The following ERCC4 variants were observed in gnomAD, a reference collection of about 807,000 sequenced individuals.
ERCC4 encodes the protein ERCC excision repair 4, endonuclease catalytic subunit, also known as DNA repair endonuclease XPF.
Under a neutral mutation model 76.9 loss-of-function variants are expected in ERCC4, and 65 were observed. The observed-to-expected ratio is 0.84, with a 90% CI of 0.69 to 1.04. ERCC4 has a LOEUF of 1.04. Among genes scored for constraint, ERCC4 ranks in the 50% least tolerant of loss-of-function variants. The pLI is 0.00. For synonymous variants in ERCC4, 463 were observed against 410.1 expected (o/e 1.13, Z -1.56); for missense variants, 1,214 against 1,128.2 (o/e 1.08, Z -1.09).
chr16:13,926,411 G>A, intron 2 of ERCC4, 150 bp from the exon 3 acceptor site: 1 of 718,862 alleles, frequency 1.4e-6, no homozygotes. Context: ...ATTCCTTGAG[G>A]ACAGGGATTT....
At position 13,922,064 on chromosome 16, in the gene ERCC4, G is replaced by C. The variant is rs55761944; in HGVS notation, c.241G>C (p.Val81Leu). Reference protein sequence around the residue: ...YFINQLKIEGVEHLPRRVTNE... With the variant: ...YFINQLKIEGLEHLPRRVTNE... ...TATCAATCAGCTGAAGATAGAAGGA[G>C]TTGAACACCTCCCTCGCCGTGTAAC... The change falls in exon 2 of 11, where the codon GTT (valine) becomes CTT (leucine). Residue 81 changes from valine to leucine, a missense_variant. Coordinates refer to ENST00000311895, the MANE Select transcript of ERCC4 (RefSeq NM_005236.3). 6.2e-7 allele frequency: 1 copy of C among 1,613,870 alleles called. No homozygotes were observed. Among genetic ancestry groups the C allele is most frequent in the South Asian group, 1.1e-5 (1 of 91,076 alleles).
chr16:13,920,181 C>G lies in ERCC4; in HGVS notation c.16C>G (p.Pro6Ala), dbSNP rs61760160. MESGQ[P>A]ARRIAMAPLL... ...AAGAGCTTCCATGGAGTCAGGGCAG[C>G]CGGCTCGACGGATTGCCATGGCGCC... Residue 6 changes from proline to alanine, a missense_variant, in exon 1 of 11, where the codon CCG becomes GCG. Coordinates refer to ENST00000311895, the MANE Select transcript of ERCC4 (RefSeq NM_005236.3). The G allele has an allele frequency of 3.1e-6, 5 of 1,605,836 alleles. No individual in the cohort carries two copies. Among genetic ancestry groups the G allele is most frequent in the East Asian group, 2.2e-5 (1 of 44,880 alleles).
At chr16:13,924,596 G>T (rs2032039435) in intron 2 of ERCC4, among the ~76,000 whole-genome samples, 1 of 152,108 alleles carries the variant, frequency 6.6e-6, no homozygotes. Flanking sequence ...ACTGCTTCTG[G>T]GTTTGAGTTA....
At position 13,948,186 on chromosome 16, in the gene ERCC4, C is replaced by A; in HGVS notation, c.2590C>A (p.Arg864Ser). The change falls in exon 11 of 11, where the codon CGC becomes AGC. Residue 864 changes from arginine to serine, a missense_variant. Coordinates refer to ENST00000311895, the MANE Select transcript of ERCC4 (RefSeq NM_005236.3). ...KMPGVNAKNC[R>S]SLMHHVKNIA... The stretch of plus-strand genomic sequence containing the variant: ...GCCAGGGGTGAATGCCAAAAACTGC[C>A]GCTCCTTGATGCACCACGTTAAGAA... 6.2e-7 allele frequency: 1 copy of A among 1,614,108 alleles called. No homozygotes were observed. The highest frequency in any genetic ancestry group is 8.5e-7 in the Non-Finnish European group (1 of 1,180,018).
chr16:13,927,615 C>T, intron 3 of ERCC4: 1 of 169,864 alleles, frequency 5.9e-6, no homozygotes, highest in East Asian at 1.7e-4. Flanking sequence ...TTGATTATAC[C>T]TTGTTTTAGG....
intron 9 of ERCC4, 58 bp from the exon 10 acceptor site, chr16:13,944,665 A>G: frequency 8.6e-7 from 1 of 1,159,764 alleles, no homozygotes; most frequent in Middle Eastern, 1.9e-4. Context: ...TTTACACACA[A>G]TAAAATCTAG....
intron 4 of ERCC4, among the ~76,000 whole-genome samples, chr16:13,930,475 T>C (rs1373164867): frequency 6.6e-6 from 1 of 152,210 alleles, no homozygotes; most frequent in Non-Finnish European, 1.5e-5. Context: ...AAGACATTCT[T>C]CTATATTTGA....
intron 9 of ERCC4, among the ~76,000 whole-genome samples, chr16:13,940,818 G>A (rs1383592196): frequency 6.6e-6 from 1 of 152,204 alleles, no homozygotes; most frequent in African/African-American, 2.4e-5. Context: ...CTGACCAAGA[G>A]CCAGTGTTGA....
chr16:13,944,891 T>G, intron 10 of ERCC4, 56 bp downstream of exon 10: 1 of 1,140,170 alleles, frequency 8.8e-7, no homozygotes, highest in Non-Finnish European at 1.3e-6. Flanking sequence ...GCTGTGAAGT[T>G]CCAGAGTTAC....
chr16:13,935,804 T>C, intron 8 of ERCC4, 61 bp downstream of exon 8: 2 of 1,207,192 alleles, frequency 1.7e-6, no homozygotes, highest in Non-Finnish European at 2.5e-6. Context: ...ACCCAGAAAC[T>C]ATACCAGTTG....
intron 10 of ERCC4, among the ~76,000 whole-genome samples, chr16:13,946,982 A>G (rs1244112234): frequency 9.9e-5 from 15 of 152,200 alleles, no homozygotes; most frequent in African/African-American, 2.9e-4. Context: ...GGATGGTCTC[A>G]AACTCCTTTC....
chr16:13,934,921 T>G (rs2032252999), intron 7 of ERCC4: 2 of 496,782 alleles, frequency 4.0e-6, no homozygotes, highest in Non-Finnish European at 7.2e-6. Context: ...TTTCATAAGA[T>G]TAAATAGTCT....
chr16:13,948,354 A>G lies in ERCC4; in HGVS notation c.*7A>G, dbSNP rs927638101. On this transcript the variant is annotated 3_prime_UTR_variant, in exon 11 of 11. Coordinates refer to ENST00000311895, the MANE Select transcript of ERCC4 (RefSeq NM_005236.3). ...AGGAAAAGGGAAAAAGTGAACAGTGATGGCTGTTTTCTTATCCCATGCCTG... is the reference window on the plus strand; with the variant it reads ...AGGAAAAGGGAAAAAGTGAACAGTGGTGGCTGTTTTCTTATCCCATGCCTG... 1.1e-5 allele frequency: 17 copies of G among 1,607,500 alleles called. No homozygotes were observed. Among genetic ancestry groups the G allele is most frequent in the African/African-American group, 4.0e-5 (3 of 74,940 alleles).
At position 13,948,479 on chromosome 16, in the gene ERCC4, C is replaced by A; in HGVS notation, c.*132C>A. On this transcript the variant is annotated 3_prime_UTR_variant, in exon 11 of 11. Transcript: ENST00000311895. Reference sequence around the variant, plus strand: ...TGCTCTTAATGATTGTACGGTGGACCAGAAGCCAGGATTCCTCTCTGAACT... The same window carrying A: ...TGCTCTTAATGATTGTACGGTGGACAAGAAGCCAGGATTCCTCTCTGAACT... 1.8e-6 allele frequency: 2 copies of A among 1,131,282 alleles called. No individual in the cohort carries two copies. Among genetic ancestry groups the A allele is most frequent in the Non-Finnish European group, 2.6e-6 (2 of 773,654 alleles). The allele number at this position is 1,131,282 out of a possible 1,614,324, so 70.1% of individuals were successfully genotyped here.
chr16:13,941,017 A>C (rs1324678630), intron 9 of ERCC4, among the ~76,000 whole-genome samples: 1 of 152,220 alleles, frequency 6.6e-6, no homozygotes, highest in Non-Finnish European at 1.5e-5. Flanking sequence ...CAGGGAATCT[A>C]ATCTAGAAAA....
At position 13,928,161 on chromosome 16, in the gene ERCC4, C is replaced by G. The variant is rs746904084; in HGVS notation, c.718C>G (p.Leu240Val). The change falls in exon 4 of 11, where the codon CTA (leucine) becomes GTA (valine). Residue 240 changes from leucine to valine, a missense_variant. By Grantham distance (32) the Leu-to-Val change is conservative (BLOSUM62 1). Transcript: ENST00000311895. ...LDILNACLKE[L>V]KCHNPSLEVE... ...CATTTTAAATGCATGTCTAAAGGAA[C>G]TAAAATGCCATAACCCATCGCTTGA... The G allele has an allele frequency of 3.1e-6, 5 of 1,613,648 alleles. No homozygotes were observed. Among genetic ancestry groups the G allele is most frequent in the East Asian group, 2.2e-5 (1 of 44,814 alleles).
intron 2 of ERCC4, chr16:13,922,659 G>T: frequency 2.0e-6 from 1 of 490,694 alleles, no homozygotes. Context: ...CATGACCGTT[G>T]TCCTTTCTTT....
intron 9 of ERCC4, among the ~76,000 whole-genome samples, chr16:13,942,884 A>G (rs1193118065): frequency 6.6e-6 from 1 of 152,198 alleles, no homozygotes; most frequent in African/African-American, 2.4e-5. Flanking sequence ...AAGAGCAGTA[A>G]TTTTTTTGAA....
At chr16:13,922,406 A>G in intron 2 of ERCC4, 195 bp downstream of exon 2, 1 of 760,720 alleles carries the variant, frequency 1.3e-6, no homozygotes, top group Middle Eastern at 3.6e-4. Context: ...CGGTCCTTGC[A>G]GGCTTCACAA....
Sources: gnomAD v4.1 joint callset for allele counts (sites outside exome capture counted in the v4.1 genomes callset) on GRCh38, gnomAD v4.1.1 for gene constraint, MANE v1.5 for transcripts, NCBI Gene and HGNC (gene_info 2026-07-23, HGNC 2026-07-21) for gene names.